PPID: variants seen among roughly 807,000 people sequenced by gnomAD.
PPID encodes peptidylprolyl isomerase D.
Under a neutral mutation model 48.1 loss-of-function variants are expected in PPID, and 47 were observed. The ratio of observed to expected loss-of-function variants is 0.98; its 90% CI spans 0.77 to 1.25. The LOEUF (loss-of-function observed/expected upper bound fraction) is 1.25. Ranked by LOEUF, PPID falls within the 50% of genes most tolerant of loss-of-function variation. PPID has a pLI of 0.00. For synonymous variants in PPID, 163 were observed against 148.8 expected, an observed-to-expected ratio of 1.10 and a Z score of -0.69; for missense variants, 429 against 443.5, an observed-to-expected ratio of 0.97 and a Z score of 0.29.
chr4:158,714,654 A>C (rs992795521), intron 6 of PPID, among the ~76,000 whole-genome samples: 2 of 151,366 alleles, frequency 1.3e-5, no homozygotes, highest in Non-Finnish European at 2.9e-5. Context: ...GCAGTGGCAT[A>C]ATCTCGGCTT....
chr4:158,716,557 G>GT (rs1444866207), intron 4 of PPID, among the ~76,000 whole-genome samples: 1 of 95,968 alleles, frequency 1.0e-5, no homozygotes, highest in Non-Finnish European at 2.1e-5. Flanking sequence ...TTGTAGAAAA[G>GT]TTAAAAAAAA....
rs547316480 is a variant in PPID at position 158,717,962 on chromosome 4, CATGTT to C, written c.334-767_334-763del. ...TTGTTGGTGCATGCACCGTAACTCTCATGTTATATAATGTTTCATGACACCCCCCA... is the reference window on the plus strand; with the variant it reads ...TTGTTGGTGCATGCACCGTAACTCTCATATAATGTTTCATGACACCCCCCA... On this transcript the variant is annotated intron_variant, in intron 3 of 9. Coordinates refer to ENST00000307720, the MANE Select transcript of PPID (RefSeq NM_005038.3). Among the ~76,000 whole-genome samples, 225 of 152,322 alleles carry C rather than the reference CATGTT, an allele frequency of 1.5e-3. 1 individual carries two copies. The highest frequency in any genetic ancestry group is 2.5e-3 in the Non-Finnish European group (169 of 68,024).
chr4:158,717,716 T>C (rs1774894969), intron 3 of PPID, among the ~76,000 whole-genome samples: 1 of 152,160 alleles, frequency 6.6e-6, no homozygotes, highest in Non-Finnish European at 1.5e-5. Flanking sequence ...ACCCAAGACA[T>C]TCAGTTTGGT....
chr4:158,714,703 G>A (rs1158249844), intron 6 of PPID, among the ~76,000 whole-genome samples: 1 of 151,532 alleles, frequency 6.6e-6, no homozygotes, highest in Admixed American at 6.6e-5. Flanking sequence ...TAATTCTTGT[G>A]CCTCAGCCTC....
intron 2 of PPID, 150 bp downstream of exon 2, chr4:158,721,193 A>C (rs1438742346): frequency 5.8e-5 from 52 of 901,396 alleles, no homozygotes; most frequent in Non-Finnish European, 8.3e-6. Context: ...CGCACAGCCT[A>C]ACCTTTACGA....
intron 3 of PPID, among the ~76,000 whole-genome samples, chr4:158,718,917 G>C (rs1376180331): frequency 6.6e-6 from 1 of 152,190 alleles, no homozygotes; most frequent in Non-Finnish European, 1.5e-5. Flanking sequence ...AAACAATTTT[G>C]CCAGATGCTG....
At chr4:158,713,954 GGAGGATT>G (rs1774830086) in intron 6 of PPID, among the ~76,000 whole-genome samples, 1 of 152,034 alleles carries the variant, frequency 6.6e-6, no homozygotes, top group Non-Finnish European at 1.5e-5. Flanking sequence ...AGGTGAGGAG[GGAGGATT>G]GCTTGGGCCC....
chr4:158,709,350 G>A lies in PPID; in HGVS notation c.*386C>T, dbSNP rs904257996. The A allele has an allele frequency of 6.1e-6, 1 of 162,980 alleles. No homozygotes were observed. The highest frequency in any genetic ancestry group is 2.4e-5 in the African/African-American group (1 of 41,542). 10.1% of individuals were successfully genotyped at this position (162,980 alleles called of 1,614,324 possible). A position where few individuals can be genotyped will look rare whatever the true frequency, so the allele number is the denominator to read the frequency against. On this transcript the variant is annotated 3_prime_UTR_variant, in exon 10 of 10. Coordinates refer to ENST00000307720, the MANE Select transcript of PPID (RefSeq NM_005038.3). ...AAGACCAACGTGACGTGACCAATAT[G>A]GTGAAACCCCATCTCTACTAAAAAT...
intron 7 of PPID, 91 bp downstream of exon 7, chr4:158,713,028 A>G (rs1040792136): frequency 5.2e-6 from 7 of 1,350,948 alleles, no homozygotes; most frequent in African/African-American, 4.4e-5. Flanking sequence ...GTCCTATGCA[A>G]TAAGATATAT....
chr4:158,722,685 G>A (rs1774983555), intron 1 of PPID, among the ~76,000 whole-genome samples: 1 of 152,224 alleles, frequency 6.6e-6, no homozygotes, highest in African/African-American at 2.4e-5. Flanking sequence ...GGCAAATTAA[G>A]AGAAAATGTT....
rs749086922 is a variant in PPID at position 158,709,810 on chromosome 4, A to G, written c.1039T>C (p.Leu347=). The G allele has an allele frequency of 1.1e-5, 17 of 1,609,730 alleles. No homozygotes were observed. Among genetic ancestry groups the G allele is most frequent in the East Asian group, 2.2e-5 (1 of 44,824 alleles). The change falls in exon 10 of 10, where the codon TTG becomes CTG. Residue 347 remains leucine, a synonymous_variant. Coordinates refer to ENST00000307720, the MANE Select transcript of PPID (RefSeq NM_005038.3). ...TTTATCTTTTGTTTGACTTTCAGCA[A>G]TTCTGCCTGGATAGCTGTAAAATAA... ...APEDKAIQAE[L]LKVKQKIKAQ...
intron 8 of PPID, 45 bp from the exon 9 acceptor site, chr4:158,710,715 A>C (rs1161181027): frequency 6.2e-7 from 1 of 1,610,160 alleles, no homozygotes. Context: ...TGATTTATAA[A>C]GGTAGTTGTC....
At chr4:158,720,904 C>T (rs1012932583) in intron 2 of PPID, among the ~76,000 whole-genome samples, 3 of 151,924 alleles carry the variant, frequency 2.0e-5, no homozygotes, top group South Asian at 2.1e-4. Flanking sequence ...TTAGTAGAGA[C>T]GGGGTTTCAC....
In PPID at chr4:158,719,297, G is replaced by C. The variant is rs745478139; in HGVS notation, c.227-11C>G. On this transcript the variant is annotated splice_polypyrimidine_tract_variant and intron_variant, in intron 2 of 9. Transcript: ENST00000307720. ...TAAATTTCTTAATAACTACAAAAAAGGAAAATGGCTATTAGTGACTGAGAC... is the reference window on the plus strand; with the variant it reads ...TAAATTTCTTAATAACTACAAAAAACGAAAATGGCTATTAGTGACTGAGAC... The C allele has an allele frequency of 1.3e-6, 2 of 1,532,066 alleles. No individual in the cohort carries two copies. The highest frequency in any genetic ancestry group is 3.4e-5 in the Admixed American group (2 of 59,674). The allele number at this position is 1,532,066 out of a possible 1,614,324, so 94.9% of individuals were successfully genotyped here.
Position 158,710,336 on chromosome 4 carries a change from T to C in PPID, c.1024+292A>G, listed in dbSNP as rs17843958. On this transcript the variant is annotated intron_variant, in intron 9 of 9. Transcript: ENST00000307720. ...AGAATAGGAACACAGTCTCAAAGGATACCATAAGACAAACAGTATTTAGAC... is the reference window on the plus strand; with the variant it reads ...AGAATAGGAACACAGTCTCAAAGGACACCATAAGACAAACAGTATTTAGAC... 1,943 of 489,380 alleles carry C rather than the reference T, an allele frequency of 4.0e-3. 53 individuals are homozygous for C. In the Admixed American group the frequency reaches 0.052, roughly 13 times the overall value. The allele number at this position is 489,380 out of a possible 1,614,324, so 30.3% of individuals were successfully genotyped here.
At position 158,721,429 on chromosome 4, in the gene PPID, T is replaced by A. The variant is rs1190762888; in HGVS notation, c.140A>T (p.Asn47Ile). 3 of 1,613,972 alleles carry A rather than the reference T, an allele frequency of 1.9e-6. No homozygotes were observed. Among genetic ancestry groups the A allele is most frequent in the Middle Eastern group, 1.6e-4 (1 of 6,062 alleles). The change falls in exon 2 of 10, where the codon AAT (asparagine) becomes ATT (isoleucine). Residue 47 changes from asparagine (N) to isoleucine (I), a missense_variant. By Grantham distance (149) the Asn-to-Ile change is moderately radical. Coordinates refer to ENST00000307720, the MANE Select transcript of PPID (RefSeq NM_005038.3). ...FADIVPKTAE[N>I]FRALCTGEKG... ...TTCTCCTGTACACAGTGCACGAAAA[T>A]TTTCCGCAGTTTTGGGTACGATATC...
intron 2 of PPID, 76 bp downstream of exon 2, chr4:158,721,267 T>C (rs1774954547): frequency 6.6e-7 from 1 of 1,517,104 alleles, no homozygotes; most frequent in Non-Finnish European, 9.1e-7. Context: ...TCCTACTTAG[T>C]GTTTTCTTCC....
chr4:158,723,205 T>A lies in PPID; in HGVS notation c.84A>T (p.Arg28=), dbSNP rs1305691320. The A allele has an allele frequency of 4.3e-6, 7 of 1,613,266 alleles. No homozygotes were observed. Among genetic ancestry groups the A allele is most frequent in the African/African-American group, 1.3e-5 (1 of 75,028 alleles). The change falls in exon 1 of 10, where the codon CGA becomes CGT. Residue 28 remains arginine, a splice_region_variant and synonymous_variant. Transcript: ENST00000307720. ...VFFDVDIGGE[R]VGRIVLELFA... ...CCGCGAGCGTCAGACTCCGCTCACC[T>A]CGCTCCCCTCCGATGTCCACGTCAA...
At chr4:158,721,602 T>A in intron 1 of PPID, 119 bp from the exon 2 acceptor site, 1 of 1,233,836 alleles carries the variant, frequency 8.1e-7, no homozygotes, top group Non-Finnish European at 1.1e-6. Context: ...CCCTTTACTG[T>A]AATTTTTCTT....
Sources: gnomAD v4.1 joint callset for allele counts (sites outside exome capture counted in the v4.1 genomes callset) on GRCh38, gnomAD v4.1.1 for gene constraint, MANE v1.5 for transcripts, NCBI Gene and HGNC (gene_info 2026-07-23, HGNC 2026-07-21) for gene names.